The following HYDIN variants were observed in gnomAD, a reference collection of about 807,000 sequenced individuals.
HYDIN encodes axonemal central pair apparatus protein HYDIN.
In HYDIN, 132 loss-of-function variants were observed where a neutral mutation model predicts 403.9. The observed-to-expected ratio is 0.33, with a 90% confidence interval of 0.28 to 0.38. The LOEUF (loss-of-function observed/expected upper bound fraction) is 0.38, where lower values mean the gene tolerates loss of function less well. Ranked by LOEUF, HYDIN falls within the 10% of genes least tolerant of loss-of-function variation. The pLI is 1.00. For missense variants in HYDIN, 2,827 were observed against 5,009.5 expected (o/e 0.56, Z 13.15); for synonymous variants, 1,202 against 1,891.7 (o/e 0.64, Z 9.46).
chr16:71,120,925 T>A (rs552800590), intron 9 of HYDIN, among the ~76,000 whole-genome samples: 2 of 152,316 alleles, frequency 1.3e-5, no homozygotes, highest in East Asian at 3.9e-4. Context: ...TCAAATACTA[T>A]GCTTTCCAAT....
In HYDIN at chr16:71,031,382, T is replaced by A. The variant is rs1439854404; in HGVS notation, c.2768+297A>T. The A allele has an allele frequency of 1.1e-5, 13 of 1,187,540 alleles. No homozygotes were observed. In the East Asian group the frequency reaches 5.5e-4, roughly 50 times the overall value. 73.6% of individuals were successfully genotyped at this position (1,187,540 alleles called of 1,614,324 possible). On this transcript the variant is annotated intron_variant, in intron 19 of 85. Coordinates refer to ENST00000393567, the MANE Select transcript of HYDIN (RefSeq NM_001270974.2). ...TGGAATCAAAGAGGAGAAATTACGGTTGAGAGTCTAAATTAATCACAGAGT... is the reference window on the plus strand; with the variant it reads ...TGGAATCAAAGAGGAGAAATTACGGATGAGAGTCTAAATTAATCACAGAGT...
chr16:70,822,734 G>A (rs1021180233), intron 83 of HYDIN, among the ~76,000 whole-genome samples: 1 of 152,120 alleles, frequency 6.6e-6, no homozygotes, highest in Non-Finnish European at 1.5e-5. Flanking sequence ...CATCAACATC[G>A]AGGCAAGACC....
intron 1 of HYDIN, among the ~76,000 whole-genome samples, chr16:71,215,625 T>G (rs931008544): frequency 6.6e-6 from 1 of 151,816 alleles, no homozygotes; most frequent in Non-Finnish European, 1.5e-5. Flanking sequence ...CCCAGCACTT[T>G]GGGAGGCCAA....
At chr16:70,891,098 A>C (rs2041437142) in intron 57 of HYDIN, among the ~76,000 whole-genome samples, 2 of 152,146 alleles carry the variant, frequency 1.3e-5, no homozygotes, top group African/African-American at 4.8e-5. Context: ...GATATATTCT[A>C]CAGGAAATCT....
At chr16:70,920,480 C>T (rs553172706) in intron 46 of HYDIN, 111 bp downstream of exon 46, 37 of 680,652 alleles carry the variant, frequency 5.4e-5, no homozygotes, top group Admixed American at 8.7e-5. Flanking sequence ...ATTAGAGATG[C>T]ATGCAGTTGA....
intron 12 of HYDIN, among the ~76,000 whole-genome samples, chr16:71,087,011 T>C (rs2082948957): frequency 6.6e-6 from 1 of 151,074 alleles, no homozygotes; most frequent in South Asian, 2.1e-4. Context: ...GTCAATGTTA[T>C]TCAAATATTT....
At position 70,982,568 on chromosome 16, in the gene HYDIN, A is replaced by G. The variant is rs577647223; in HGVS notation, c.4333-1000T>C. The stretch of plus-strand genomic sequence containing the variant: ...AGTAAAATGTTAGCTGAGTGAATCC[A>G]GCAATATATATATATAATATTTAAA... On this transcript the variant is annotated intron_variant, in intron 28 of 85. Transcript: ENST00000393567. Among the ~76,000 whole-genome samples the G allele has an allele frequency of 1.1e-3, 104 of 91,366 alleles. 8 individuals carry two copies. Among genetic ancestry groups the G allele is most frequent in the Non-Finnish European group, 6.7e-4 (37 of 54,956 alleles). 59.9% of individuals were successfully genotyped at this position (91,366 alleles called of 152,430 possible). A position where few individuals can be genotyped will look rare whatever the true frequency, so the allele number is the denominator to read the frequency against.
intron 60 of HYDIN, among the ~76,000 whole-genome samples, chr16:70,880,546 G>C (rs2143683297): frequency 6.6e-6 from 1 of 152,294 alleles, no homozygotes; most frequent in East Asian, 1.9e-4. Context: ...GTCCCAAGGA[G>C]TCCCGGCCAC....
chr16:70,904,478 CTTTTTTTTTTTTTTTTTTTTTTTTTT>C (rs76148650), intron 50 of HYDIN, among the ~76,000 whole-genome samples: 3 of 25,218 alleles, frequency 1.2e-4, no homozygotes, highest in South Asian at 2.2e-3. Context: ...ACTTGAGTAA[CTTTTTTTTTTTTTTTTTTTTTTTTTT>C]TTTTTTTTTT....
chr16:71,041,396 A>C (rs1204544284), intron 18 of HYDIN, among the ~76,000 whole-genome samples: 1 of 152,152 alleles, frequency 6.6e-6, no homozygotes, highest in East Asian at 1.9e-4. Flanking sequence ...TTAGTCAAAG[A>C]AAACAATTAC....
At chr16:71,033,711 T>G (rs572739926) in intron 18 of HYDIN, among the ~76,000 whole-genome samples, 1 of 152,200 alleles carries the variant, frequency 6.6e-6, no homozygotes, top group South Asian at 2.1e-4. Flanking sequence ...GGTTGATAGG[T>G]GCAGCAAACT....
At chr16:71,167,190 A>T (rs561191064) in intron 5 of HYDIN, among the ~76,000 whole-genome samples, 1 of 152,198 alleles carries the variant, frequency 6.6e-6, no homozygotes, top group African/African-American at 2.4e-5. Context: ...CTCAAAACTT[A>T]TGCTATCTAG....
In HYDIN at chr16:71,017,059, G is replaced by A. The variant is rs532614083; in HGVS notation, c.3644+1070C>T. On this transcript the variant is annotated intron_variant, in intron 23 of 85. Coordinates refer to ENST00000393567, the MANE Select transcript of HYDIN (RefSeq NM_001270974.2). ...TGATGGTTTAAAAGTGTTTGGCAGG[G>A]CTGGGTACGGTGGCCCACACCTGTA... Among the ~76,000 whole-genome samples, 3 of 152,184 alleles carry A rather than the reference G, an allele frequency of 2.0e-5. No homozygotes were observed. The East Asian group carries it at 5.8e-4, about 29-fold the overall frequency.
At chr16:71,222,368 C>T (rs1165358791) in intron 1 of HYDIN, among the ~76,000 whole-genome samples, 2 of 152,156 alleles carry the variant, frequency 1.3e-5, no homozygotes, top group African/African-American at 2.4e-5. Flanking sequence ...GACAAACCCA[C>T]AGCCAACATC....
chr16:71,064,879 G>C (rs2082206661), intron 15 of HYDIN, 39 bp from the exon 16 acceptor site: 1 of 1,598,042 alleles, frequency 6.3e-7, no homozygotes. Flanking sequence ...AAAACAGAGA[G>C]CTTGTTTACA....
At chr16:71,020,947 G>A (rs1216048507) in intron 21 of HYDIN, among the ~76,000 whole-genome samples, 1 of 151,490 alleles carries the variant, frequency 6.6e-6, no homozygotes, top group African/African-American at 2.4e-5. Flanking sequence ...CATGCTTCTG[G>A]ATAGAACTAT....
At chr16:70,930,194 A>AACC (rs1372493798) in intron 45 of HYDIN, among the ~76,000 whole-genome samples, 1 of 152,254 alleles carries the variant, frequency 6.6e-6, no homozygotes, top group Non-Finnish European at 1.5e-5. Context: ...AAAAACCACC[A>AACC]ACCGGGCTGG....
At chr16:70,991,853 G>A (rs1379220648) in intron 24 of HYDIN, among the ~76,000 whole-genome samples, 1 of 151,974 alleles carries the variant, frequency 6.6e-6, no homozygotes, top group Non-Finnish European at 1.5e-5. Context: ...ATACAGAGAG[G>A]ACAATATGAT....
intron 23 of HYDIN, among the ~76,000 whole-genome samples, chr16:70,994,016 T>C (rs1045358766): frequency 6.6e-6 from 1 of 152,074 alleles, no homozygotes; most frequent in Non-Finnish European, 1.5e-5. Context: ...TTATCTAGCA[T>C]ATTTAGAAAA....
Sources: allele counts gnomAD v4.1 joint callset (sites outside exome capture counted in the v4.1 genomes callset), GRCh38; gene constraint gnomAD v4.1.1; transcripts MANE v1.5; gene names NCBI Gene and HGNC (gene_info 2026-07-23, HGNC 2026-07-21).